CRHR2: variants seen among roughly 807,000 people sequenced by gnomAD.
CRHR2 encodes corticotropin releasing hormone receptor 2.
Under a neutral mutation model 57.9 loss-of-function variants are expected in CRHR2, and 53 were observed. That is an observed-to-expected ratio of 0.92 (90% CI 0.73 to 1.15). The LOEUF is 1.15. Among genes scored for constraint, CRHR2 ranks in the 50% most tolerant of loss-of-function variants. The probability of loss-of-function intolerance (pLI) is 0.00; values close to 1 mark genes in which losing one functional copy is unlikely to be tolerated. For synonymous variants in CRHR2, 213 were observed against 220.9 expected (o/e 0.96, Z 0.32); for missense variants, 532 against 542.6 (o/e 0.98, Z 0.19).
exon 1 of CRHR2, chr7:30,700,064 G>A (rs1473854693): frequency 3.7e-6 from 5 of 1,362,812 alleles, no homozygotes; most frequent in Non-Finnish European, 4.8e-6. Context: ...AGGGACTGGA[G>A]CCTGCTGCCC....
At chr7:30,660,536 G>T in intron 8 of CRHR2, 37 bp downstream of exon 8, 1 of 1,547,654 alleles carries the variant, frequency 6.5e-7, no homozygotes. Flanking sequence ...TGTCCTCTTG[G>T]CACCCAGCCC....
In CRHR2 at chr7:30,665,467, G is replaced by T; in HGVS notation, c.425+63C>A. The T allele has an allele frequency of 7.5e-7, 1 of 1,337,334 alleles. No individual in the cohort carries two copies. Among genetic ancestry groups the T allele is most frequent in the Non-Finnish European group, 1.0e-6 (1 of 955,888 alleles). 82.8% of individuals were successfully genotyped at this position (1,337,334 alleles called of 1,614,324 possible). A position where few individuals can be genotyped will look rare whatever the true frequency, so the allele number is the denominator to read the frequency against. On this transcript the variant is annotated intron_variant, in intron 4 of 11. Transcript: ENST00000471646. The surrounding 1 kb of genome is among the most constrained non-coding windows in gnomAD (Gnocchi z 4.5). ...AGAATGGAGGTGAGAATGTCTGGGA[G>T]AGGTGAAGGGGGTGCTGTAGGGGGA... is the stretch of plus-strand genomic sequence containing the variant.
chr7:30,678,034 G>C (rs540592389), intron 2 of CRHR2, among the ~76,000 whole-genome samples: 24 of 152,030 alleles, frequency 1.6e-4, no homozygotes, highest in Non-Finnish European at 3.1e-4. Flanking sequence ...CATGCCACTA[G>C]TGGTGGCCAG....
At chr7:30,696,203 G>C (rs934928224) in intron 1 of CRHR2, among the ~76,000 whole-genome samples, 4 of 152,054 alleles carry the variant, frequency 2.6e-5, no homozygotes, top group African/African-American at 7.2e-5. Flanking sequence ...TGAATACGAC[G>C]TAGTATTTCA....
In CRHR2 at chr7:30,653,540, G is replaced by T; in HGVS notation, c.1156C>A (p.Pro386Thr). ...RWQDHHSLRV[P>T]MARAMSIPTS... is the part of the protein sequence containing the mutation. ...GGGATGGACATGGCCCGGGCCATGG[G>T]GACTCGAAGGGAGTGATGGTCCTGC... is the stretch of plus-strand genomic sequence containing the variant. The change falls in exon 12 of 12, where the codon CCC (proline) becomes ACC (threonine). Residue 386 changes from proline (P) to threonine (T), a missense_variant. Physicochemically the swap from Pro to Thr is conservative, Grantham distance 38. Transcript: ENST00000471646. This position sits in a 1 kb window ranked among gnomAD's most constrained non-coding sequence, Gnocchi z 5.0. 4.3e-6 allele frequency: 7 copies of T among 1,613,436 alleles called. No homozygotes were observed. Among genetic ancestry groups the T allele is most frequent in the Non-Finnish European group, 5.9e-6 (7 of 1,179,938 alleles).
At position 30,652,678 on chromosome 7, in the gene CRHR2, A is replaced by C. The variant is rs1783632708; in HGVS notation, c.*782T>G. 1 of 152,354 alleles carries C rather than the reference A, an allele frequency of 6.6e-6. No homozygotes were observed. The highest frequency in any genetic ancestry group is 1.5e-5 in the Non-Finnish European group (1 of 68,106). 9.4% of individuals were successfully genotyped at this position (152,354 alleles called of 1,614,324 possible). A position where few individuals can be genotyped will look rare whatever the true frequency, so the allele number is the denominator to read the frequency against. Reference sequence around the variant, plus strand: ...ATGGGGTATGAGTTTCAATCACTGAAGACATGGTTGGTTTCTGCTATTCCC... The same window carrying C: ...ATGGGGTATGAGTTTCAATCACTGACGACATGGTTGGTTTCTGCTATTCCC... On this transcript the variant is annotated 3_prime_UTR_variant, in exon 12 of 12. Transcript: ENST00000471646. The surrounding 1 kb of genome is among the most constrained non-coding windows in gnomAD (Gnocchi z 4.4).
At chr7:30,662,029 G>A in intron 7 of CRHR2, 127 bp downstream of exon 7, 2 of 940,526 alleles carry the variant, frequency 2.1e-6, no homozygotes, top group Admixed American at 4.4e-5. Flanking sequence ...AAGGACAACA[G>A]GAACGTGGAT....
chr7:30,661,184 G>T (rs535096721), intron 7 of CRHR2, among the ~76,000 whole-genome samples: 10 of 152,364 alleles, frequency 6.6e-5, no homozygotes, highest in African/African-American at 1.9e-4. Context: ...GGCCTCACTG[G>T]CTGCCAGAGG....
At chr7:30,670,750 T>C (rs977349946) in intron 2 of CRHR2, among the ~76,000 whole-genome samples, 5 of 152,238 alleles carry the variant, frequency 3.3e-5, no homozygotes, top group Non-Finnish European at 2.9e-5. Context: ...TGAGGGCTGA[T>C]GGCAAGGCTA....
At chr7:30,664,341 G>A (rs550815020) in intron 5 of CRHR2, among the ~76,000 whole-genome samples, 5 of 152,362 alleles carry the variant, frequency 3.3e-5, no homozygotes, top group African/African-American at 1.2e-4. Context: ...TGGACAGTTA[G>A]CATGTGGGAT....
intron 6 of CRHR2, 148 bp from the exon 7 acceptor site, chr7:30,662,364 T>A: frequency 1.1e-6 from 1 of 915,692 alleles, no homozygotes; most frequent in East Asian, 2.6e-5. Context: ...GCCCTGTCCC[T>A]CAACACCTGG....
upstream of CRHR2, among the ~76,000 whole-genome samples, chr7:30,685,023 T>C (rs1784827093): frequency 6.6e-6 from 1 of 152,150 alleles, no homozygotes; most frequent in African/African-American, 2.4e-5. Flanking sequence ...GGATAAGTAT[T>C]TGGAACAGTT....
intron 11 of CRHR2, among the ~76,000 whole-genome samples, chr7:30,654,362 G>A (rs1246551388): frequency 6.6e-6 from 1 of 152,174 alleles, no homozygotes; most frequent in African/African-American, 2.4e-5. Flanking sequence ...AGTGGAATGT[G>A]CTATCATCCA....
Position 30,667,294 on chromosome 7 carries a change from G to T in CRHR2, c.249C>A (p.Cys83Ter), listed in dbSNP as rs1784216596. 2 of 1,614,036 alleles carry T rather than the reference G, an allele frequency of 1.2e-6. No individual in the cohort carries two copies. The highest frequency in any genetic ancestry group is 2.7e-5 in the African/African-American group (2 of 74,912). The change falls in exon 3 of 12, where the codon TGC (cysteine) becomes TGA (stop). Residue 83 changes from cysteine to a stop codon, truncating the protein, a stop_gained. Transcript: ENST00000471646. LOFTEE classifies it high-confidence loss of function. Reference protein sequence around the residue: ...YNTTRNAYRECLENGTWASKI... With the variant: ...YNTTRNAYRE Reference sequence around the variant, plus strand: ...TTGAGGCCCACGTCCCATTCTCCAAGCATTCTCGATAGGCATTCCCTACAA... The same window carrying T: ...TTGAGGCCCACGTCCCATTCTCCAATCATTCTCGATAGGCATTCCCTACAA...
At chr7:30,686,819 T>C (rs1371677350), upstream of CRHR2, among the ~76,000 whole-genome samples, 1 of 152,246 alleles carries the variant, frequency 6.6e-6, no homozygotes, top group Non-Finnish European at 1.5e-5. Flanking sequence ...GCGTTGCCTT[T>C]TTCAGGGGCA....
At chr7:30,691,925 G>A (rs1250228939) in intron 1 of CRHR2, among the ~76,000 whole-genome samples, 2 of 152,196 alleles carry the variant, frequency 1.3e-5, no homozygotes, top group African/African-American at 4.8e-5. Context: ...AGGAAAGTCA[G>A]GGACAGACAT....
At chr7:30,668,099 A>G (rs1784242889) in intron 2 of CRHR2, among the ~76,000 whole-genome samples, 1 of 152,260 alleles carries the variant, frequency 6.6e-6, no homozygotes, top group African/African-American at 2.4e-5. Flanking sequence ...TCTGTATTTA[A>G]GTTGGAACAT....
chr7:30,683,198 T>C (rs1784781006), upstream of CRHR2, among the ~76,000 whole-genome samples: 2 of 152,048 alleles, frequency 1.3e-5, no homozygotes, highest in Non-Finnish European at 2.9e-5. Context: ...AGGGGAGAAA[T>C]TGGCTGAAAT....
chr7:30,658,519 G>A (rs949390422), intron 8 of CRHR2, among the ~76,000 whole-genome samples: 4 of 152,198 alleles, frequency 2.6e-5, no homozygotes, highest in African/African-American at 9.6e-5. Context: ...GCTAAGAACT[G>A]AAGATGAGGC....
Sources: gnomAD v4.1 joint callset for allele counts (sites outside exome capture counted in the v4.1 genomes callset) on GRCh38, gnomAD v4.1.1 for gene constraint, Gnocchi (gnomAD v3.1) non-coding constraint, MANE v1.5 for transcripts, NCBI Gene and HGNC (gene_info 2026-07-23, HGNC 2026-07-21) for gene names.